The following ATP2A3 variants were observed in gnomAD, a reference collection of about 807,000 sequenced individuals.
The protein encoded by ATP2A3 is sarcoplasmic/endoplasmic reticulum calcium ATPase 3.
Under a neutral mutation model 106.8 loss-of-function variants are expected in ATP2A3, and 61 were observed. The observed-to-expected ratio is 0.57, with a 90% CI of 0.46 to 0.71. The LOEUF (loss-of-function observed/expected upper bound fraction) is 0.71, where lower values mean the gene tolerates loss of function less well. Ranked by LOEUF, ATP2A3 falls within the 30% of genes least tolerant of loss-of-function variation. The pLI, the probability that ATP2A3 is intolerant of heterozygous loss-of-function variation, is 0.00. For synonymous variants in ATP2A3, 611 were observed against 609.3 expected, an observed-to-expected ratio of 1.00 and a Z score of -0.04; for missense variants, 1,201 against 1,423.5, an observed-to-expected ratio of 0.84 and a Z score of 2.52.
At position 3,928,484 on chromosome 17, in the gene ATP2A3, G is replaced by C; in HGVS notation, c.2980+179C>G. 1 of 930,194 alleles carries C rather than the reference G, an allele frequency of 1.1e-6. No individual in the cohort carries two copies. Among genetic ancestry groups the C allele is most frequent in the Non-Finnish European group, 1.7e-6 (1 of 594,816 alleles). The allele number at this position is 930,194 out of a possible 1,614,324, so 57.6% of individuals were successfully genotyped here. A position where few individuals can be genotyped will look rare whatever the true frequency, so the allele number is the denominator to read the frequency against. The stretch of plus-strand genomic sequence containing the variant: ...GGTCCCCTGCAGTGCAAGACCCTGC[G>C]GACACCTTGGGACCCAGCCACCAGA... On this transcript the variant is annotated intron_variant, in intron 20 of 20. Transcript: ENST00000397041. This position sits in a 1 kb window ranked among gnomAD's most constrained non-coding sequence, Gnocchi z 6.1.
chr17:3,935,801 G>T (rs1388168440), intron 16 of ATP2A3, among the ~76,000 whole-genome samples: 1 of 151,736 alleles, frequency 6.6e-6, no homozygotes, highest in Non-Finnish European at 1.5e-5. Flanking sequence ...GCCTCCCAAA[G>T]TGCTGGGGTT....
chr17:3,938,930 G>T (rs978343707), intron 14 of ATP2A3, among the ~76,000 whole-genome samples: 1 of 147,708 alleles, frequency 6.8e-6, no homozygotes, highest in Admixed American at 6.7e-5. Context: ...CACTTTAGGA[G>T]GCCAAGGCAG....
intron 14 of ATP2A3, among the ~76,000 whole-genome samples, chr17:3,939,091 C>G (rs867569552): frequency 1.3e-5 from 2 of 151,700 alleles, no homozygotes; most frequent in Non-Finnish European, 2.9e-5. Flanking sequence ...CTCTTGAGCC[C>G]GAGAGGATGA....
intron 16 of ATP2A3, among the ~76,000 whole-genome samples, chr17:3,935,617 A>T (rs2053400401): frequency 6.7e-6 from 1 of 149,076 alleles, no homozygotes; most frequent in Non-Finnish European, 1.5e-5. Context: ...GGCTCACAGC[A>T]ACCTCTGCCT....
intron 11 of ATP2A3, 70 bp from the exon 12 acceptor site, chr17:3,942,801 G>A: frequency 1.9e-6 from 3 of 1,597,092 alleles, no homozygotes; most frequent in Admixed American, 1.7e-5. Context: ...CCCACCAACT[G>A]CTTGGCCCCA....
intron 14 of ATP2A3, 32 bp downstream of exon 14, chr17:3,940,939 C>A (rs750296420): frequency 1.2e-5 from 19 of 1,612,330 alleles, no homozygotes; most frequent in Middle Eastern, 1.7e-4. Context: ...CCACTCATCA[C>A]CCCCTCCTGG....
At chr17:3,945,771 T>C (rs1395430316) in intron 8 of ATP2A3, among the ~76,000 whole-genome samples, 1 of 152,222 alleles carries the variant, frequency 6.6e-6, no homozygotes, top group Non-Finnish European at 1.5e-5. Flanking sequence ...GAGACAGTTC[T>C]TGCTTCGTGG....
At position 3,950,781 on chromosome 17, in the gene ATP2A3, G is replaced by A; in HGVS notation, c.464-8C>T. The A allele has an allele frequency of 6.2e-7, 1 of 1,612,534 alleles. No homozygotes were observed. Among genetic ancestry groups the A allele is most frequent in the Non-Finnish European group, 8.5e-7 (1 of 1,179,774 alleles). On this transcript the variant is annotated splice_polypyrimidine_tract_variant and splice_region_variant and intron_variant, in intron 5 of 20. Coordinates refer to ENST00000397041, the MANE Select transcript of ATP2A3 (RefSeq NM_005173.4). ...CAGGCACTTTGTCCCCCACTGTGCGGGGAGAATGGCTTGGCTGAGGGTGGC... is the reference window on the plus strand; with the variant it reads ...CAGGCACTTTGTCCCCCACTGTGCGAGGAGAATGGCTTGGCTGAGGGTGGC...
rs1011907210 is a variant in ATP2A3 at position 3,964,409 on chromosome 17, G to C, written c.-118C>G. 1 of 433,340 alleles carries C rather than the reference G, an allele frequency of 2.3e-6. No homozygotes were observed. The highest frequency in any genetic ancestry group is 3.2e-6 in the Non-Finnish European group (1 of 311,568). 26.8% of individuals were successfully genotyped at this position (433,340 alleles called of 1,614,324 possible). ...GCGGGCGCCGCGCGAGGCCATGTCC[G>C]TGCTGGGACCTTACCCGACGGCAGT... On this transcript the variant is annotated 5_prime_UTR_variant, in exon 1 of 21. Coordinates refer to ENST00000397041, the MANE Select transcript of ATP2A3 (RefSeq NM_005173.4).
chr17:3,926,956 G>A lies in ATP2A3; in HGVS notation c.2981-1515C>T, dbSNP rs2052742596. 5.1e-6 allele frequency: 5 copies of A among 985,328 alleles called. 1 individual carries two copies. The South Asian group carries it at 1.4e-4, about 28-fold the overall frequency. The allele number at this position is 985,328 out of a possible 1,614,324, so 61.0% of individuals were successfully genotyped here. ...TCCTCCCGTGCTTCCCCACTGCCCT[G>A]AGGACAATGTCCAGGGTCTCTACCT... is the stretch of plus-strand genomic sequence containing the variant. On this transcript the variant is annotated intron_variant, in intron 20 of 20. Coordinates refer to ENST00000397041, the MANE Select transcript of ATP2A3 (RefSeq NM_005173.4). The surrounding 1 kb of genome is among the most constrained non-coding windows in gnomAD (Gnocchi z 4.6).
chr17:3,936,154 T>C lies in ATP2A3; in HGVS notation c.2524+113A>G, dbSNP rs554743033. 3 of 1,359,858 alleles carry C rather than the reference T, an allele frequency of 2.2e-6. No homozygotes were observed. The highest frequency in any genetic ancestry group is 1.4e-5 in the African/African-American group (1 of 69,570). 84.2% of individuals were successfully genotyped at this position (1,359,858 alleles called of 1,614,324 possible). ...TGGTCTTTTCCATTACATGAGCTCATACAGTTTCTACTGGCACAAGCCAGG... is the reference window on the plus strand; with the variant it reads ...TGGTCTTTTCCATTACATGAGCTCACACAGTTTCTACTGGCACAAGCCAGG... On this transcript the variant is annotated intron_variant, in intron 16 of 20. Transcript: ENST00000397041. The surrounding 1 kb of genome is among the most constrained non-coding windows in gnomAD (Gnocchi z 5.4).
At chr17:3,927,078 C>T (rs531312763) in intron 20 of ATP2A3, 2 of 985,470 alleles carry the variant, frequency 2.0e-6, no homozygotes, top group East Asian at 1.1e-4. Flanking sequence ...CCACCAGGTT[C>T]AATCCTGTTC....
chr17:3,959,218 C>T (rs2055001092), intron 1 of ATP2A3, among the ~76,000 whole-genome samples: 1 of 152,116 alleles, frequency 6.6e-6, no homozygotes, highest in Non-Finnish European at 1.5e-5. Flanking sequence ...CAACATTTTG[C>T]TTGTGCCATT....
In ATP2A3 at chr17:3,953,005, CA is replaced by C. The variant is rs942267814; in HGVS notation, c.219+341del. 6.6e-6 allele frequency among the ~76,000 whole-genome samples: 1 copy of C among 152,146 alleles called. No homozygotes were observed. The highest frequency in any genetic ancestry group is 2.4e-5 in the African/African-American group (1 of 41,426). On this transcript the variant is annotated intron_variant, in intron 3 of 20. Transcript: ENST00000397041. This position sits in a 1 kb window ranked among gnomAD's most constrained non-coding sequence, Gnocchi z 5.1. ...TGGAAAGCCCCCACCCCCACCCCGA[CA>C]AAGAATGATCTGGTCTAAACTATCA...
intron 17 of ATP2A3, among the ~76,000 whole-genome samples, chr17:3,931,678 C>T (rs1327418314): frequency 1.3e-5 from 2 of 152,060 alleles, no homozygotes; most frequent in Admixed American, 6.5e-5. Flanking sequence ...CCCGCCACCA[C>T]GCCCGGCTAA....
In ATP2A3 at chr17:3,936,057, G is replaced by A. The variant is rs141128457; in HGVS notation, c.2524+210C>T. ...CAGCCATTCTGCCACCATGAGGGAC[G>A]TGGGCCTGAGAATGAAGCTGAGGCA... On this transcript the variant is annotated intron_variant, in intron 16 of 20. Coordinates refer to ENST00000397041, the MANE Select transcript of ATP2A3 (RefSeq NM_005173.4). The surrounding 1 kb of genome is among the most constrained non-coding windows in gnomAD (Gnocchi z 5.4). Among the ~76,000 whole-genome samples the A allele has an allele frequency of 3.8e-4, 58 of 152,344 alleles. No individual in the cohort carries two copies. Among genetic ancestry groups the A allele is most frequent in the African/African-American group, 1.3e-3 (56 of 41,580 alleles).
In ATP2A3 at chr17:3,928,609, G is replaced by A; in HGVS notation, c.2980+54C>T. On this transcript the variant is annotated intron_variant, in intron 20 of 20. Coordinates refer to ENST00000397041, the MANE Select transcript of ATP2A3 (RefSeq NM_005173.4). The surrounding 1 kb of genome is among the most constrained non-coding windows in gnomAD (Gnocchi z 6.1). ...ACCCACAGCGTCCACTGCAGCCCAG[G>A]AGCAGAGGCGGGCGGGGAGGCAGGC... is the stretch of plus-strand genomic sequence containing the variant. 7 of 1,450,180 alleles carry A rather than the reference G, an allele frequency of 4.8e-6. No individual in the cohort carries two copies. The highest frequency in any genetic ancestry group is 6.6e-6 in the Non-Finnish European group (7 of 1,055,952). The allele number at this position is 1,450,180 out of a possible 1,614,324, so 89.8% of individuals were successfully genotyped here. A position where few individuals can be genotyped will look rare whatever the true frequency, so the allele number is the denominator to read the frequency against.
chr17:3,933,415 C>T (rs534041830), intron 17 of ATP2A3, among the ~76,000 whole-genome samples: 8 of 151,370 alleles, frequency 5.3e-5, no homozygotes, highest in Non-Finnish European at 1.0e-4. Flanking sequence ...TCATAGGTCT[C>T]GGTGTGGCCT....
Position 3,947,412 on chromosome 17 carries a change from G to C in ATP2A3, c.1074C>G (p.Thr358=). 1 of 1,613,924 alleles carries C rather than the reference G, an allele frequency of 6.2e-7. No homozygotes were observed. The highest frequency in any genetic ancestry group is 8.5e-7 in the Non-Finnish European group (1 of 1,180,046). The change falls in exon 8 of 21, where the codon ACC becomes ACG. Residue 358 remains threonine (T), a synonymous_variant. Transcript: ENST00000397041. This position sits in a 1 kb window ranked among gnomAD's most constrained non-coding sequence, Gnocchi z 7.7. ...TCACCCGGCAGACAGACATCTGATT[G>C]GTGGTGAGCGTGCCCGTCTTGTCGG... is the stretch of plus-strand genomic sequence containing the variant. ...ICSDKTGTLT[T]NQMSVCRMFV...
Sources: allele counts gnomAD v4.1 joint callset (sites outside exome capture counted in the v4.1 genomes callset), GRCh38; gene constraint gnomAD v4.1.1; non-coding constraint Gnocchi (gnomAD v3.1); transcripts MANE v1.5; gene names NCBI Gene and HGNC (gene_info 2026-07-23, HGNC 2026-07-21).